The following GRM1 variants were observed in gnomAD, a reference collection of about 807,000 sequenced individuals.
GRM1 encodes the protein metabotropic glutamate receptor 1.
GRM1 carries 33 observed loss-of-function variants against 90.9 expected under a neutral mutation model. The ratio of observed to expected loss-of-function variants is 0.36; its 90% CI spans 0.28 to 0.49. The LOEUF (loss-of-function observed/expected upper bound fraction) is 0.49. Ranked by LOEUF, GRM1 falls within the 20% of genes least tolerant of loss-of-function variation. The probability of loss-of-function intolerance (pLI) is 0.99; values close to 1 mark genes in which losing one functional copy is unlikely to be tolerated. For synonymous variants in GRM1, 700 were observed against 613.2 expected, an observed-to-expected ratio of 1.14 and a Z score of -2.09; for missense variants, 1,190 against 1,534.3, an observed-to-expected ratio of 0.78 and a Z score of 3.75.
At chr6:146,203,329 G>T (rs531126195) in intron 2 of GRM1, among the ~76,000 whole-genome samples, 2 of 152,164 alleles carry the variant, frequency 1.3e-5, no homozygotes, top group South Asian at 2.1e-4. Context: ...CATTTGTGCC[G>T]CTATTCCCTC....
intron 1 of GRM1, among the ~76,000 whole-genome samples, chr6:146,076,906 A>G (rs767468392): frequency 1.1e-4 from 17 of 152,204 alleles, no homozygotes; most frequent in Non-Finnish European, 2.2e-4. Flanking sequence ...CTCCGTGGGA[A>G]CTATATCCAA....
intron 1 of GRM1, among the ~76,000 whole-genome samples, chr6:146,122,808 T>C (rs1007088097): frequency 2.7e-5 from 4 of 150,784 alleles, no homozygotes; most frequent in African/African-American, 7.3e-5. Flanking sequence ...CTGTGATTTC[T>C]TTTTTTCTTT....
intron 2 of GRM1, among the ~76,000 whole-genome samples, chr6:146,239,091 T>C (rs1036710858): frequency 1.3e-5 from 2 of 152,168 alleles, no homozygotes; most frequent in African/African-American, 2.4e-5. Flanking sequence ...AAAAGACTTA[T>C]AAATACTCAC....
At chr6:146,409,252 T>C (rs1777472576) in intron 7 of GRM1, among the ~76,000 whole-genome samples, 1 of 152,178 alleles carries the variant, frequency 6.6e-6, no homozygotes. Flanking sequence ...AGTCTAAGGA[T>C]AACCATGCCA....
intron 3 of GRM1, among the ~76,000 whole-genome samples, chr6:146,315,522 T>G (rs1032494251): frequency 5.9e-5 from 9 of 152,176 alleles, no homozygotes; most frequent in Non-Finnish European, 1.2e-4. Flanking sequence ...AGCCTTTGAA[T>G]GATGTAAATA....
chr6:146,344,040 ATAAGTT>A (rs913268766), intron 3 of GRM1, among the ~76,000 whole-genome samples: 2 of 152,196 alleles, frequency 1.3e-5, no homozygotes, highest in African/African-American at 4.8e-5. Flanking sequence ...TCATTTCTGT[ATAAGTT>A]TATCAGTTTA....
intron 7 of GRM1, among the ~76,000 whole-genome samples, chr6:146,424,637 A>G (rs1410616573): frequency 2.0e-5 from 3 of 152,206 alleles, no homozygotes; most frequent in East Asian, 1.9e-4. Context: ...GGAGGTAGAG[A>G]TTGTGTTTGT....
chr6:146,232,084 T>A (rs1780469073), intron 2 of GRM1, among the ~76,000 whole-genome samples: 2 of 152,138 alleles, frequency 1.3e-5, no homozygotes, highest in African/African-American at 4.8e-5. Context: ...ACACATTCAA[T>A]TTTTTAAATA....
Position 146,049,870 on chromosome 6 carries a change from G to C in GRM1, c.700+19653G>C, listed in dbSNP as rs116234353. ...TTTGGTCCTCTCGATAACCCTAGAAGGTAGGTACTATTATTATTCTTGGAA... is the reference window on the plus strand; with the variant it reads ...TTTGGTCCTCTCGATAACCCTAGAACGTAGGTACTATTATTATTCTTGGAA... On this transcript the variant is annotated intron_variant, in intron 1 of 7. Transcript: ENST00000282753. Among the ~76,000 whole-genome samples, 486 of 151,984 alleles carry C rather than the reference G, an allele frequency of 3.2e-3. 1 individual carries two copies. Among genetic ancestry groups the C allele is most frequent in the African/African-American group, 0.011 (472 of 41,488 alleles).
chr6:146,146,356 G>A (rs1432157013), intron 1 of GRM1, among the ~76,000 whole-genome samples: 2 of 151,244 alleles, frequency 1.3e-5, no homozygotes, highest in African/African-American at 4.9e-5. Flanking sequence ...CAAAGTGCTG[G>A]GATTACAGGC....
chr6:146,432,566 TA>T (rs1438138974), intron 7 of GRM1, among the ~76,000 whole-genome samples: 1 of 152,156 alleles, frequency 6.6e-6, no homozygotes, highest in East Asian at 1.9e-4. Context: ...CACCTCCACT[TA>T]AAGAAAAAAA....
intron 1 of GRM1, among the ~76,000 whole-genome samples, chr6:146,080,824 A>G (rs1487963495): frequency 6.6e-6 from 1 of 152,214 alleles, no homozygotes; most frequent in Non-Finnish European, 1.5e-5. Context: ...AGGCTTAGAT[A>G]ATTTCATAAT....
chr6:146,056,255 G>A (rs975626241), intron 1 of GRM1, among the ~76,000 whole-genome samples: 2 of 152,112 alleles, frequency 1.3e-5, no homozygotes, highest in African/African-American at 4.8e-5. Context: ...CACAGGTGAG[G>A]CTACAAGGGT....
intron 2 of GRM1, among the ~76,000 whole-genome samples, chr6:146,271,543 C>T (rs995474129): frequency 6.6e-6 from 1 of 152,090 alleles, no homozygotes; most frequent in Non-Finnish European, 1.5e-5. Flanking sequence ...AGAAAGGCTT[C>T]TGAGAGGTAG....
At position 146,153,249 on chromosome 6, in the gene GRM1, CT is replaced by C. The variant is rs1777405064; in HGVS notation, c.701-6098del. On this transcript the variant is annotated intron_variant, in intron 1 of 7. Transcript: ENST00000282753. ...AGTTGTCCTTGTCATGTCATTAGTT[CT>C]GTTTTTAGTAAATGAAAGTAATAGA... Among the ~76,000 whole-genome samples, 3 of 152,264 alleles carry C rather than the reference CT, an allele frequency of 2.0e-5. No individual in the cohort carries two copies. In the South Asian group the frequency reaches 6.2e-4, roughly 32 times the overall value.
At position 146,434,734 on chromosome 6, in the gene GRM1, C is replaced by T; in HGVS notation, c.3523C>T (p.Pro1175Ser). ...GTCCGAGTCGGTGCTCTGCACCCCT[C>T]CCAACGTATCCTACGCCTCTGTCAT... The part of the protein sequence containing the change: ...PVSESVLCTP[P>S]NVSYASVILR... The change falls in exon 8 of 8, where the codon CCC becomes TCC. Residue 1175 changes from proline to serine, a missense_variant. Coordinates refer to ENST00000282753, the MANE Select transcript of GRM1 (RefSeq NM_001278064.2). The T allele has an allele frequency of 6.2e-7, 1 of 1,600,848 alleles. No individual in the cohort carries two copies. Among genetic ancestry groups the T allele is most frequent in the Non-Finnish European group, 8.5e-7 (1 of 1,179,930 alleles).
rs531561164 is a variant in GRM1, at chr6:146,201,916, T to C, written c.950+42319T>C. Reference sequence around the variant, plus strand: ...AGTGCTCTCAACCGCTGTGCAATGCTGCCATGTGGGCATTCCTGTGTTGTC... The same window carrying C: ...AGTGCTCTCAACCGCTGTGCAATGCCGCCATGTGGGCATTCCTGTGTTGTC... On this transcript the variant is annotated intron_variant, in intron 2 of 7. Transcript: ENST00000282753. 2.6e-5 allele frequency among the ~76,000 whole-genome samples: 4 copies of C among 152,344 alleles called. No individual in the cohort carries two copies. In the East Asian group the frequency reaches 7.7e-4, roughly 29 times the overall value.
intron 1 of GRM1, among the ~76,000 whole-genome samples, chr6:146,119,873 G>A (rs769503106): frequency 3.9e-5 from 6 of 152,142 alleles, no homozygotes; most frequent in Admixed American, 1.3e-4. Context: ...GTCAGGTAGC[G>A]TGATGCCTCC....
intron 2 of GRM1, chr6:146,171,904 C>G (rs972333987): frequency 3.1e-5 from 7 of 229,080 alleles, no homozygotes; most frequent in African/African-American, 1.4e-4. Context: ...AGCCTCTATA[C>G]TCCATCATAG....
Sources: gnomAD v4.1 joint callset for allele counts (sites outside exome capture counted in the v4.1 genomes callset) on GRCh38, gnomAD v4.1.1 for gene constraint, MANE v1.5 for transcripts, NCBI Gene and HGNC (gene_info 2026-07-23, HGNC 2026-07-21) for gene names.